Variants in SEMA6D observed in about 807,000 individuals in gnomAD.
The protein encoded by SEMA6D is semaphorin 6D, also known as semaphorin-6D.
A neutral mutation model predicts 106.6 loss-of-function variants in SEMA6D; 35 were observed. That is an observed-to-expected ratio of 0.33 (90% CI 0.25 to 0.44). The LOEUF (loss-of-function observed/expected upper bound fraction) is 0.44. Ranked by LOEUF, SEMA6D falls within the 20% of genes least tolerant of loss-of-function variation. SEMA6D has a pLI of 1.00. For synonymous variants in SEMA6D, 499 were observed against 487.7 expected (o/e 1.02, Z -0.31); for missense variants, 1,185 against 1,345.9 (o/e 0.88, Z 1.87).
Position 47,294,904 on chromosome 15 carries a change from C to T in SEMA6D, c.-239+110486C>T, listed in dbSNP as rs539755403. 2.1e-4 allele frequency among the ~76,000 whole-genome samples: 18 copies of T among 86,842 alleles called. No individual in the cohort carries two copies. The South Asian group carries it at 6.0e-3, about 29-fold the overall frequency. 57.0% of individuals were successfully genotyped at this position (86,842 alleles called of 152,430 possible). A position where few individuals can be genotyped will look rare whatever the true frequency, so the allele number is the denominator to read the frequency against. On this transcript the variant is annotated intron_variant, in intron 1 of 19. Coordinates refer to the SEMA6D transcript ENST00000558014. ...ATTTGAAAGTGTTCATTCTCTTTTT[C>T]TCTGCTCAGTCTGGAACAAAATCTG... is the stretch of plus-strand genomic sequence containing the variant.
At chr15:47,450,545 T>C (rs562565608) in intron 2 of SEMA6D, among the ~76,000 whole-genome samples, 6 of 152,222 alleles carry the variant, frequency 3.9e-5, no homozygotes, top group Admixed American at 1.3e-4. Flanking sequence ...TCAAACTGTT[T>C]ACAGTAATGT....
chr15:47,610,585 A>AT (rs900571723), intron 4 of SEMA6D, among the ~76,000 whole-genome samples: 1 of 152,160 alleles, frequency 6.6e-6, no homozygotes, highest in Non-Finnish European at 1.5e-5. Flanking sequence ...TACATTTATC[A>AT]TTTTTCACTC....
At chr15:47,655,317 T>C (rs182692920) in intron 4 of SEMA6D, among the ~76,000 whole-genome samples, 19 of 152,350 alleles carry the variant, frequency 1.2e-4, no homozygotes, top group African/African-American at 4.6e-4. Flanking sequence ...TGGACATTTA[T>C]GTGTATATTT....
intron 3 of SEMA6D, among the ~76,000 whole-genome samples, chr15:47,501,744 GA>G: frequency 6.6e-6 from 1 of 152,158 alleles, no homozygotes; most frequent in Admixed American, 6.5e-5. Flanking sequence ...TGCAGCAAAA[GA>G]AATTAAATTA....
At chr15:47,398,064 G>T (rs1465118506) in intron 1 of SEMA6D, among the ~76,000 whole-genome samples, 1 of 152,098 alleles carries the variant, frequency 6.6e-6, no homozygotes, top group Non-Finnish European at 1.5e-5. Context: ...GCAAAAATCC[G>T]TAGCAGTTTC....
intron 1 of SEMA6D, chr15:47,339,021 G>A (rs2037693830): frequency 6.6e-6 from 1 of 152,162 alleles, no homozygotes; most frequent in South Asian, 2.1e-4. Flanking sequence ...ATTGCTACAT[G>A]GTTTTCAATC....
intron 1 of SEMA6D, among the ~76,000 whole-genome samples, chr15:47,727,315 G>A (rs2079820170): frequency 1.3e-5 from 2 of 152,132 alleles, no homozygotes; most frequent in African/African-American, 2.4e-5. Flanking sequence ...GGTCTGTTTC[G>A]CTGCGTCTGG....
chr15:47,491,373 A>G (rs921158069), intron 3 of SEMA6D, among the ~76,000 whole-genome samples: 3 of 152,198 alleles, frequency 2.0e-5, no homozygotes, highest in African/African-American at 7.2e-5. Flanking sequence ...TCTTAGTAAC[A>G]TAATGTGCAA....
intron 4 of SEMA6D, among the ~76,000 whole-genome samples, chr15:47,684,820 T>C (rs2078434600): frequency 6.6e-6 from 1 of 152,142 alleles, no homozygotes; most frequent in Non-Finnish European, 1.5e-5. Context: ...TTAATTTTGA[T>C]AGAAAAAAAT....
chr15:47,735,019 G>T (rs1051599507), intron 1 of SEMA6D, among the ~76,000 whole-genome samples: 2 of 152,034 alleles, frequency 1.3e-5, no homozygotes, highest in Non-Finnish European at 1.5e-5. Flanking sequence ...TTTCCCAGAA[G>T]AGACTTAACT....
chr15:47,710,586 G>C (rs1162989778), intron 4 of SEMA6D, among the ~76,000 whole-genome samples: 1 of 152,104 alleles, frequency 6.6e-6, no homozygotes, highest in East Asian at 1.9e-4. Context: ...AAATACACAC[G>C]CACACACACA....
intron 3 of SEMA6D, among the ~76,000 whole-genome samples, chr15:47,494,079 C>T (rs2043557367): frequency 6.6e-6 from 1 of 152,134 alleles, no homozygotes; most frequent in Admixed American, 6.6e-5. Flanking sequence ...AAGCTTCCCA[C>T]TTGGAAGTGT....
chr15:47,529,465 A>G (rs2044875761), intron 3 of SEMA6D, among the ~76,000 whole-genome samples: 1 of 152,304 alleles, frequency 6.6e-6, no homozygotes, highest in African/African-American at 2.4e-5. Flanking sequence ...GGGGAGGCTC[A>G]AAGTAGGGAT....
chr15:47,280,087 G>C (rs2035040112), intron 1 of SEMA6D, among the ~76,000 whole-genome samples: 1 of 151,992 alleles, frequency 6.6e-6, no homozygotes, highest in African/African-American at 2.4e-5. Flanking sequence ...GATTGGAATA[G>C]TTTCAGAAGG....
chr15:47,470,561 T>G (rs1226280539), intron 3 of SEMA6D: 1 of 152,144 alleles, frequency 6.6e-6, no homozygotes, highest in Admixed American at 6.5e-5. Flanking sequence ...GCATGAACTT[T>G]TTTGCAATTA....
chr15:47,556,035 T>C (rs931780401), intron 3 of SEMA6D, among the ~76,000 whole-genome samples: 1 of 152,132 alleles, frequency 6.6e-6, no homozygotes, highest in Non-Finnish European at 1.5e-5. Context: ...TTTGTGACAG[T>C]GAGAATAAAG....
At chr15:47,615,177 A>C (rs2076984065) in intron 4 of SEMA6D, among the ~76,000 whole-genome samples, 1 of 152,250 alleles carries the variant, frequency 6.6e-6, no homozygotes, top group Non-Finnish European at 1.5e-5. Flanking sequence ...GAAAATAGCA[A>C]TAAAAAATAA....
In SEMA6D at chr15:47,254,096, T is replaced by C. The variant is rs574832557; in HGVS notation, c.-239+69678T>C. On this transcript the variant is annotated intron_variant, in intron 1 of 19. Coordinates refer to the SEMA6D transcript ENST00000558014. ...CGTGGTTAAATTTATTGCTAGGTGT[T>C]TTTTTTTGTAGCTATTGGAATTACT... 2.8e-4 allele frequency among the ~76,000 whole-genome samples: 43 copies of C among 151,708 alleles called. 1 individual carries two copies. The highest frequency in any genetic ancestry group is 8.4e-4 in the African/African-American group (35 of 41,470).
chr15:47,219,336 A>T (rs2030971097), intron 1 of SEMA6D, among the ~76,000 whole-genome samples: 1 of 152,168 alleles, frequency 6.6e-6, no homozygotes, highest in African/African-American at 2.4e-5. Flanking sequence ...CATTCAATAA[A>T]ATTCTTTTAG....
Sources: allele counts gnomAD v4.1 joint callset (sites outside exome capture counted in the v4.1 genomes callset), GRCh38; gene constraint gnomAD v4.1.1; transcripts MANE v1.5; gene names NCBI Gene and HGNC (gene_info 2026-07-23, HGNC 2026-07-21).